FOXP2: variants seen among roughly 807,000 people sequenced by gnomAD.
The protein encoded by FOXP2 is forkhead box protein P2.
In FOXP2, 12 loss-of-function variants were observed where a neutral mutation model predicts 115.8. That is an observed-to-expected ratio of 0.10 (90% CI 0.07 to 0.17). The LOEUF is 0.17. FOXP2 is among the 10% of genes least tolerant of loss of function. FOXP2 has a pLI of 1.00. For missense variants in FOXP2, 629 were observed against 843.5 expected, an observed-to-expected ratio of 0.75 and a Z score of 3.15; for synonymous variants, 328 against 297.7, an observed-to-expected ratio of 1.10 and a Z score of -1.05.
At chr7:114,462,089 G>T (rs1468924380) in intron 2 of FOXP2, among the ~76,000 whole-genome samples, 1 of 151,602 alleles carries the variant, frequency 6.6e-6, no homozygotes, top group Non-Finnish European at 1.5e-5. Context: ...AGACCATCCT[G>T]ACCAACATGG....
chr7:114,581,263 A>G (rs954211932), intron 3 of FOXP2, among the ~76,000 whole-genome samples: 2 of 151,536 alleles, frequency 1.3e-5, no homozygotes, highest in East Asian at 3.9e-4. Context: ...TGCTCACTGC[A>G]ACCTCTGCCT....
rs35933398 is a variant in FOXP2 at position 114,495,483 on chromosome 7, C to CTTTTTTTTTTTTTTTTTTTTTT, written c.169-39125_169-39104dup. Among the ~76,000 whole-genome samples, 12 of 61,446 alleles carry CTTTTTTTTTTTTTTTTTTTTTT rather than the reference C, an allele frequency of 2.0e-4. 1 individual carries two copies. The highest frequency in any genetic ancestry group is 1.7e-4 in the Non-Finnish European group (6 of 34,728). The allele number at this position is 61,446 out of a possible 152,430, so 40.3% of individuals were successfully genotyped here. A position where few individuals can be genotyped will look rare whatever the true frequency, so the allele number is the denominator to read the frequency against. Reference sequence around the variant, plus strand: ...TTCTTTGTTTTTTCTTTCTCTCTCTCTTTTTTTTTTTTTTTTTTTTTTTTT... The same window carrying CTTTTTTTTTTTTTTTTTTTTTT: ...TTCTTTGTTTTTTCTTTCTCTCTCTCTTTTTTTTTTTTTTTTTTTTTTTTTTTTTTTTTTTTTTTTTTTTTTT... On this transcript the variant is annotated intron_variant, in intron 2 of 16. Coordinates refer to ENST00000350908, the MANE Select transcript of FOXP2 (RefSeq NM_014491.4).
At chr7:114,269,861 T>C (rs1795991582) in intron 1 of FOXP2, among the ~76,000 whole-genome samples, 1 of 152,184 alleles carries the variant, frequency 6.6e-6, no homozygotes, top group Non-Finnish European at 1.5e-5. Flanking sequence ...TAGAGCTCTA[T>C]GTTTGCAAAG....
rs1207988154 is a variant in FOXP2, at chr7:114,313,530, G to C, written c.-11+25421G>C. ...GGAGGCCGAGGCGGGCGGATCACGA[G>C]GTCAGGAGATCGAGACCATCCCGGC... is the stretch of plus-strand genomic sequence containing the variant. On this transcript the variant is annotated intron_variant, in intron 2 of 17. Transcript: ENST00000634411. Among the ~76,000 whole-genome samples the C allele has an allele frequency of 1.6e-4, 9 of 54,862 alleles. 2 individuals are homozygous for C. The highest frequency in any genetic ancestry group is 3.1e-4 in the African/African-American group (1 of 3,226). The allele number at this position is 54,862 out of a possible 152,430, so 36.0% of individuals were successfully genotyped here.
At chr7:114,374,648 A>T (rs1296413986) in intron 2 of FOXP2, among the ~76,000 whole-genome samples, 1 of 152,170 alleles carries the variant, frequency 6.6e-6, no homozygotes, top group African/African-American at 2.4e-5. Context: ...ATTATTTCCT[A>T]CTTTGACTTA....
rs371617402 is a variant in FOXP2 at position 114,562,900 on chromosome 7, A to G, written c.258+28194A>G. Among the ~76,000 whole-genome samples the G allele has an allele frequency of 1.7e-3, 252 of 152,138 alleles. 1 individual carries two copies. Among genetic ancestry groups the G allele is most frequent in the African/African-American group, 5.8e-3 (242 of 41,496 alleles). On this transcript the variant is annotated intron_variant, in intron 3 of 16. Coordinates refer to ENST00000350908, the MANE Select transcript of FOXP2 (RefSeq NM_014491.4). ...TGTATTACTCTGTCCTCACGCTGCTAGTAAAGACATACCTGAGACTGGGTA... is the reference window on the plus strand; with the variant it reads ...TGTATTACTCTGTCCTCACGCTGCTGGTAAAGACATACCTGAGACTGGGTA...
chr7:114,281,403 A>C (rs1252628460), intron 1 of FOXP2, among the ~76,000 whole-genome samples: 1 of 152,002 alleles, frequency 6.6e-6, no homozygotes, highest in Non-Finnish European at 1.5e-5. Flanking sequence ...GCCTGGCCTG[A>C]AATTTGATTT....
intron 2 of FOXP2, among the ~76,000 whole-genome samples, chr7:114,294,841 A>AAAAT (rs201482409): frequency 0.22 from 31,137 of 139,312 alleles, 3,790 homozygotes; most frequent in East Asian, 0.37. Flanking sequence ...ACACTGCCTC[A>AAAAT]AAATAAATAA....
At chr7:114,485,293 A>G (rs756456407) in intron 2 of FOXP2, among the ~76,000 whole-genome samples, 4 of 152,018 alleles carry the variant, frequency 2.6e-5, no homozygotes, top group Non-Finnish European at 4.4e-5. Flanking sequence ...CTCAACCTGA[A>G]TAATTGTAAG....
chr7:114,581,330 C>T (rs912180117), intron 3 of FOXP2, among the ~76,000 whole-genome samples: 1 of 151,848 alleles, frequency 6.6e-6, no homozygotes, highest in African/African-American at 2.4e-5. Context: ...ACCACAGGCA[C>T]AAGCCACCAT....
At chr7:114,585,781 C>A (rs752632100) in intron 3 of FOXP2, among the ~76,000 whole-genome samples, 3 of 152,142 alleles carry the variant, frequency 2.0e-5, no homozygotes, top group African/African-American at 7.2e-5. Context: ...GTGGGAGAAT[C>A]TCTTTAACTC....
intron 1 of FOXP2, among the ~76,000 whole-genome samples, chr7:114,108,802 T>G (rs1381110384): frequency 1.3e-5 from 2 of 151,956 alleles, no homozygotes; most frequent in Non-Finnish European, 2.9e-5. Flanking sequence ...AAATTATTTT[T>G]GATATGCCTG....
At chr7:114,094,828 TTTTTAAAA>T (rs1799610223) in intron 1 of FOXP2, among the ~76,000 whole-genome samples, 2 of 152,058 alleles carry the variant, frequency 1.3e-5, no homozygotes, top group Admixed American at 6.6e-5. Flanking sequence ...CCTCACTAAA[TTTTTAAAA>T]TTTTATAAAG....
chr7:114,502,287 TA>T lies in FOXP2; in HGVS notation c.169-32324del, dbSNP rs554106518. 5.9e-5 allele frequency among the ~76,000 whole-genome samples: 9 copies of T among 152,176 alleles called. No homozygotes were observed. In the South Asian group the frequency reaches 1.9e-3, roughly 32 times the overall value. ...TATGCATTCATTAACCTAGCTAAGT[TA>T]AAAAAGAAACTGACAGTGTTTTGGA... On this transcript the variant is annotated intron_variant, in intron 2 of 16. Transcript: ENST00000350908.
chr7:114,506,297 T>C (rs1797814845), intron 2 of FOXP2, among the ~76,000 whole-genome samples: 1 of 151,714 alleles, frequency 6.6e-6, no homozygotes, highest in African/African-American at 2.4e-5. Context: ...CTGCCTTTTT[T>C]GTTTGTTTGT....
intron 2 of FOXP2, among the ~76,000 whole-genome samples, chr7:114,483,545 G>A (rs76873835): frequency 6.6e-6 from 1 of 151,594 alleles, no homozygotes; most frequent in Non-Finnish European, 1.5e-5. Context: ...CCCAACTCAA[G>A]ATGCATAATT....
chr7:114,462,237 C>T (rs1442407353), intron 2 of FOXP2, among the ~76,000 whole-genome samples: 3 of 123,328 alleles, frequency 2.4e-5, no homozygotes, highest in African/African-American at 6.2e-5. Context: ...GCCGAGATTT[C>T]GCCGCTGCAC....
rs368614280 is a variant in FOXP2, at chr7:114,629,930, A to G, written c.522A>G (p.Gln174=). The G allele has an allele frequency of 3.2e-5, 51 of 1,596,550 alleles. No homozygotes were observed. The South Asian group carries it at 3.5e-4, about 11-fold the overall frequency. ...AACAGCAGCAGCAACAACAACAACA[A>G]CAGCAGCAACAACAGCAGCAGCAGC... ...QQQQQQQQQQ[Q]QQQQQQQQQQ... Residue 174 remains glutamine (Q), a synonymous_variant, in exon 5 of 17, where the codon CAA becomes CAG. Coordinates refer to ENST00000350908, the MANE Select transcript of FOXP2 (RefSeq NM_014491.4).
At chr7:114,243,072 A>G (rs1291152479) in intron 1 of FOXP2, among the ~76,000 whole-genome samples, 2 of 152,076 alleles carry the variant, frequency 1.3e-5, no homozygotes, top group South Asian at 2.1e-4. Context: ...ATATGTATCC[A>G]TACTACATTG....
Sources: allele counts gnomAD v4.1 joint callset (sites outside exome capture counted in the v4.1 genomes callset), GRCh38; gene constraint gnomAD v4.1.1; transcripts MANE v1.5; gene names NCBI Gene and HGNC (gene_info 2026-07-23, HGNC 2026-07-21).